The following XPO7 variants were observed in gnomAD, a reference collection of about 807,000 sequenced individuals.
The protein encoded by XPO7 is exportin-7.
XPO7 carries 21 observed loss-of-function variants against 144.3 expected under a neutral mutation model. The observed-to-expected ratio is 0.15, with a 90% CI of 0.10 to 0.21. The LOEUF (loss-of-function observed/expected upper bound fraction) is 0.21. Among genes scored for constraint, XPO7 ranks in the 10% least tolerant of loss-of-function variants. XPO7 has a pLI of 1.00. For missense variants in XPO7, 808 were observed against 1,325.8 expected (o/e 0.61, Z 6.06); for synonymous variants, 580 against 499.6 (o/e 1.16, Z -2.15).
In XPO7 at chr8:21,984,778, G is replaced by T. The variant is rs1387181112; in HGVS notation, c.1410G>T (p.Gln470His). Residue 470 changes from glutamine (Q) to histidine (H), a missense_variant, in exon 12 of 28, where the codon CAG becomes CAT. Around this residue, in one of 5 missense-constraint regions of XPO7, gnomAD observed 416 missense variants for 612.5 expected, o/e 0.68. Transcript: ENST00000252512. ...TGCAGTTGTTTGACCAGTCGGCCCA[G>T]TCGTACCAGGAGCTGCTACAGAGCG... ...LLVQLFDQSAQSYQELLQSAS... is the reference protein window; with the variant it reads ...LLVQLFDQSAHSYQELLQSAS... The T allele has an allele frequency of 6.2e-7, 1 of 1,614,018 alleles. No homozygotes were observed. The highest frequency in any genetic ancestry group is 2.2e-5 in the East Asian group (1 of 44,876).
chr8:21,999,655 T>C lies in XPO7; in HGVS notation c.2763T>C (p.Ser921=). Residue 921 remains serine, a synonymous_variant, in exon 24 of 28, where the codon TCT becomes TCC. Coordinates refer to ENST00000252512, the MANE Select transcript of XPO7 (RefSeq NM_015024.5). ...HVIMYILSSI[S]EGLTALDTMV... is the part of the protein sequence containing the mutation. Reference sequence around the variant, plus strand: ...TCATGTATATTCTCTCTTCCATTTCTGAAGGACTTACTGCACTTGGTAAGC... The same window carrying C: ...TCATGTATATTCTCTCTTCCATTTCCGAAGGACTTACTGCACTTGGTAAGC... The C allele has an allele frequency of 6.2e-7, 1 of 1,614,054 alleles. No homozygotes were observed. The highest frequency in any genetic ancestry group is 1.1e-5 in the South Asian group (1 of 91,084).
rs773147027 is a variant in XPO7 at position 21,999,077 on chromosome 8, A to G, written c.2429-14A>G. On this transcript the variant is annotated splice_polypyrimidine_tract_variant and intron_variant, in intron 22 of 27. Transcript: ENST00000252512. ...TAATGTGGTTGAATAAACATATATG[A>G]CATGTCTACTCAGGCAATCGCATCC... The G allele has an allele frequency of 1.9e-6, 3 of 1,613,810 alleles. No homozygotes were observed. Among genetic ancestry groups the G allele is most frequent in the Non-Finnish European group, 1.7e-6 (2 of 1,179,750 alleles).
intron 1 of XPO7, among the ~76,000 whole-genome samples, chr8:21,954,563 G>A (rs1393889487): frequency 6.6e-6 from 1 of 152,112 alleles, no homozygotes; most frequent in Non-Finnish European, 1.5e-5. Context: ...GAACCCGGGA[G>A]GTGGAGGTTG....
chr8:21,990,831 G>A lies in XPO7; in HGVS notation c.1953G>A (p.Leu651=). The A allele has an allele frequency of 6.2e-7, 1 of 1,613,610 alleles. No homozygotes were observed. The highest frequency in any genetic ancestry group is 8.5e-7 in the Non-Finnish European group (1 of 1,179,806). ...NNHTSEHFSF[L]GINNQSNLTD... ...AATAGAGCGAGCACTTTTCATTTTTGGGTATTAACAATCAGTCCAACCTGA... is the reference window on the plus strand; with the variant it reads ...AATAGAGCGAGCACTTTTCATTTTTAGGTATTAACAATCAGTCCAACCTGA... Residue 651 remains leucine, a synonymous_variant, in exon 18 of 28, where the codon TTG becomes TTA. Coordinates refer to ENST00000252512, the MANE Select transcript of XPO7 (RefSeq NM_015024.5).
intron 6 of XPO7, 111 bp from the exon 7 acceptor site, chr8:21,976,245 C>A: frequency 1.7e-6 from 2 of 1,176,538 alleles, no homozygotes; most frequent in Non-Finnish European, 2.4e-6. Flanking sequence ...GGACATTTTA[C>A]TGTGCTAACA....
chr8:22,005,222 A>G lies in XPO7; in HGVS notation c.*134A>G, dbSNP rs1813286802. 3.2e-6 allele frequency: 2 copies of G among 634,744 alleles called. No individual in the cohort carries two copies. Among genetic ancestry groups the G allele is most frequent in the East Asian group, 3.0e-5 (1 of 33,896 alleles). The allele number at this position is 634,744 out of a possible 1,614,324, so 39.3% of individuals were successfully genotyped here. A position where few individuals can be genotyped will look rare whatever the true frequency, so the allele number is the denominator to read the frequency against. On this transcript the variant is annotated 3_prime_UTR_variant, in exon 28 of 28. Transcript: ENST00000252512. ...GGTGTGGGGAAAATGGCAAAGGTCA[A>G]CTAGCTGCTTCCCCAGGGAATAGGG...
chr8:21,969,423 A>C, intron 2 of XPO7, 60 bp from the exon 3 acceptor site: 1 of 1,441,364 alleles, frequency 6.9e-7, no homozygotes. Flanking sequence ...TCCAAGTTAA[A>C]AACCTTGTGA....
chr8:21,934,390 G>A (rs367931816), intron 1 of XPO7, among the ~76,000 whole-genome samples: 10 of 152,010 alleles, frequency 6.6e-5, no homozygotes, highest in Non-Finnish European at 1.5e-4. Context: ...AAAATTAGCC[G>A]GGCGTGGTGG....
Position 21,990,811 on chromosome 8 carries a change from A to G in XPO7, c.1933A>G (p.Ser645Gly). The change falls in exon 18 of 28, where the codon AGC (serine) becomes GGC (glycine). Residue 645 changes from serine to glycine, a missense_variant and splice_region_variant. Ser to Gly is a moderately conservative substitution (Grantham distance 56). Coordinates refer to ENST00000252512, the MANE Select transcript of XPO7 (RefSeq NM_015024.5). ...TAACTTCTTTTCTTTTTTTCAATAG[A>G]GCGAGCACTTTTCATTTTTGGGTAT... ...AVQFMLNNHT[S>G]EHFSFLGINN... The G allele has an allele frequency of 6.2e-7, 1 of 1,613,768 alleles. No individual in the cohort carries two copies. The highest frequency in any genetic ancestry group is 8.5e-7 in the Non-Finnish European group (1 of 1,179,840).
Position 21,999,528 on chromosome 8 carries a change from T to C in XPO7, c.2644-8T>C, listed in dbSNP as rs756201569. On this transcript the variant is annotated splice_region_variant and splice_polypyrimidine_tract_variant and intron_variant, in intron 23 of 27. Coordinates refer to ENST00000252512, the MANE Select transcript of XPO7 (RefSeq NM_015024.5). ...TAAGCTGATTTTCTTCCTCTTCCTC[T>C]CCCACAGGATTACCCCAAGCTCAGC... The C allele has an allele frequency of 4.6e-5, 74 of 1,613,730 alleles. No individual in the cohort carries two copies. Among genetic ancestry groups the C allele is most frequent in the Non-Finnish European group, 5.8e-5 (69 of 1,179,800 alleles).
rs1811137062 is a variant in XPO7 at position 21,945,081 on chromosome 8, C to G, written c.19-21776C>G. On this transcript the variant is annotated intron_variant, in intron 1 of 27. Transcript: ENST00000252512. Reference sequence around the variant, plus strand: ...TTTCCCCCTTTTCTATTCGACAAAACTGCCATCGTCATCATGGCCCGTTCT... The same window carrying G: ...TTTCCCCCTTTTCTATTCGACAAAAGTGCCATCGTCATCATGGCCCGTTCT... 3.3e-5 allele frequency among the ~76,000 whole-genome samples: 5 copies of G among 152,326 alleles called. No homozygotes were observed. In the South Asian group the frequency reaches 1.0e-3, roughly 32 times the overall value.
chr8:21,973,404 G>C (rs1214264175), intron 5 of XPO7, among the ~76,000 whole-genome samples: 1 of 152,174 alleles, frequency 6.6e-6, no homozygotes, highest in African/African-American at 2.4e-5. Context: ...CAATATAACA[G>C]ATTGTATGAT....
At chr8:21,962,933 G>C (rs532631833) in intron 1 of XPO7, among the ~76,000 whole-genome samples, 1 of 151,956 alleles carries the variant, frequency 6.6e-6, no homozygotes, top group Non-Finnish European at 1.5e-5. Context: ...CCTTAAAATG[G>C]TTCATTTTCT....
intron 11 of XPO7, among the ~76,000 whole-genome samples, 200 bp from the exon 12 acceptor site, chr8:21,984,446 A>C (rs1455533122): frequency 6.6e-6 from 1 of 152,182 alleles, no homozygotes; most frequent in African/African-American, 2.4e-5. Flanking sequence ...AGCAGAATAT[A>C]CCTAAGGGAG....
chr8:21,927,012 A>C (rs771681825), intron 1 of XPO7, among the ~76,000 whole-genome samples: 1 of 152,202 alleles, frequency 6.6e-6, no homozygotes, highest in Non-Finnish European at 1.5e-5. Flanking sequence ...AATGTTCCAG[A>C]ACTGAGCAAC....
rs771274704 is a variant in XPO7, at chr8:21,985,591, C to G, written c.1477C>G (p.Leu493Val). 3.1e-6 allele frequency: 5 copies of G among 1,613,990 alleles called. No individual in the cohort carries two copies. The African/African-American group carries it at 5.3e-5, about 17-fold the overall frequency. The change falls in exon 13 of 28, where the codon CTG becomes GTG. Residue 493 changes from leucine to valine, a missense_variant. Leu to Val is a conservative substitution (Grantham distance 32). Coordinates refer to ENST00000252512, the MANE Select transcript of XPO7 (RefSeq NM_015024.5). ...PMDIAVQEGR[L>V]TWLVYIIGAV... is the part of the protein sequence containing the mutation. ...GGGTCTGTCTCCTGCTGCAGGAAGGCTGACATGGCTGGTTTACATTATTGG... is the reference window on the plus strand; with the variant it reads ...GGGTCTGTCTCCTGCTGCAGGAAGGGTGACATGGCTGGTTTACATTATTGG...
rs1812006592 is a variant in XPO7, at chr8:21,970,186, C to T, written c.302C>T (p.Ala101Val). ...LNYLATRPKL[A>V]TFVTQALIQL... ...TACCTTGCCACTCGGCCGAAGTTGG[C>T]TACTTTCGTGACACAAGCACTTATT... Residue 101 changes from alanine (A) to valine (V), a missense_variant, in exon 4 of 28, where the codon GCT (alanine) becomes GTT (valine). This residue lies in a region of XPO7 where 223 missense variants were observed against 368.8 expected (regional missense o/e 0.60). Transcript: ENST00000252512. 1 of 1,613,460 alleles carries T rather than the reference C, an allele frequency of 6.2e-7. No individual in the cohort carries two copies.
In XPO7 at chr8:21,982,785, G is replaced by A; in HGVS notation, c.1250G>A (p.Arg417Gln). ...PEVTKAYITS[R>Q]LESVHIILRD... ...GTCACCAAAGCCTACATCACATCCC[G>A]GTTGGAATCTGTGCACATCATACTG... The change falls in exon 11 of 28, where the codon CGG becomes CAG. Residue 417 changes from arginine (R) to glutamine (Q), a missense_variant. Transcript: ENST00000252512. 6.2e-6 allele frequency: 10 copies of A among 1,611,970 alleles called. No individual in the cohort carries two copies. Among genetic ancestry groups the A allele is most frequent in the East Asian group, 2.2e-5 (1 of 44,844 alleles).
Position 21,924,724 on chromosome 8 carries a change from T to G in XPO7, c.18+4936T>G, listed in dbSNP as rs375540828. On this transcript the variant is annotated intron_variant, in intron 1 of 27. Coordinates refer to ENST00000252512, the MANE Select transcript of XPO7 (RefSeq NM_015024.5). ...TAACTAGAGTTTAAATATATGTTTC[T>G]TTTTAGATGAAAATGCTCACAACAT... 1.9e-4 allele frequency among the ~76,000 whole-genome samples: 29 copies of G among 152,346 alleles called. No individual in the cohort carries two copies. In the East Asian group the frequency reaches 5.6e-3, roughly 29 times the overall value.
Sources: allele counts gnomAD v4.1 joint callset (sites outside exome capture counted in the v4.1 genomes callset), GRCh38; gene constraint gnomAD v4.1.1; regional missense constraint gnomAD v4.1.1; transcripts MANE v1.5; gene names NCBI Gene and HGNC (gene_info 2026-07-23, HGNC 2026-07-21).